PTPRD: variants seen among roughly 807,000 people sequenced by gnomAD.
PTPRD encodes the protein receptor-type tyrosine-protein phosphatase delta.
PTPRD carries 34 observed loss-of-function variants against 214.5 expected under a neutral mutation model. That is an observed-to-expected ratio of 0.16 (90% CI 0.12 to 0.21). The LOEUF (loss-of-function observed/expected upper bound fraction) is 0.21. PTPRD is among the 10% of genes least tolerant of loss of function. PTPRD has a pLI of 1.00. For synonymous variants in PTPRD, 1,128 were observed against 845.7 expected, an observed-to-expected ratio of 1.33 and a Z score of -5.79; for missense variants, 2,545 against 2,398.7, an observed-to-expected ratio of 1.06 and a Z score of -1.27.
At chr9:8,573,061 C>T (rs2091567064) in intron 14 of PTPRD, among the ~76,000 whole-genome samples, 1 of 151,924 alleles carries the variant, frequency 6.6e-6, no homozygotes, top group African/African-American at 2.4e-5. Flanking sequence ...TGGTTTCTAT[C>T]AAATTGAATC....
intron 11 of PTPRD, among the ~76,000 whole-genome samples, chr9:8,943,698 T>A (rs982404182): frequency 3.3e-5 from 5 of 151,018 alleles, no homozygotes; most frequent in Admixed American, 2.6e-4. Context: ...AAACTAGATA[T>A]CCACATGCAG....
At chr9:9,880,078 G>T (rs746477869) in intron 5 of PTPRD, among the ~76,000 whole-genome samples, 1 of 152,150 alleles carries the variant, frequency 6.6e-6, no homozygotes, top group Non-Finnish European at 1.5e-5. Context: ...GTCCAGGGAG[G>T]GAGGTGATTG....
chr9:9,243,633 C>T (rs190317454), intron 9 of PTPRD, among the ~76,000 whole-genome samples: 8 of 152,158 alleles, frequency 5.3e-5, no homozygotes, highest in South Asian at 2.1e-4. Context: ...ATTGATGGAA[C>T]GTATCTGAAA....
chr9:9,477,851 A>T (rs2095177180), intron 8 of PTPRD, among the ~76,000 whole-genome samples: 1 of 152,202 alleles, frequency 6.6e-6, no homozygotes, highest in East Asian at 1.9e-4. Context: ...TTAAGGAAGA[A>T]TAATATTGCT....
At chr9:9,802,063 G>C (rs948674341) in intron 5 of PTPRD, among the ~76,000 whole-genome samples, 3 of 152,004 alleles carry the variant, frequency 2.0e-5, no homozygotes, top group African/African-American at 4.8e-5. Flanking sequence ...AATGTGTTTA[G>C]CACCAATTGC....
intron 11 of PTPRD, among the ~76,000 whole-genome samples, chr9:8,919,391 C>CA (rs5896280): frequency 0.74 from 99,216 of 133,996 alleles, 36,369 homozygotes; most frequent in East Asian, 0.8. Flanking sequence ...GACCCTGTCT[C>CA]AAAAAAAAAA....
intron 2 of PTPRD, among the ~76,000 whole-genome samples, chr9:10,543,690 A>G (rs998065040): frequency 6.6e-5 from 10 of 152,200 alleles, no homozygotes; most frequent in Non-Finnish European, 1.5e-5. Flanking sequence ...AGTAAACTCT[A>G]AGCTTTTGCA....
intron 3 of PTPRD, among the ~76,000 whole-genome samples, chr9:10,146,400 AG>A (rs1426291736): frequency 2.0e-5 from 3 of 152,072 alleles, no homozygotes; most frequent in Non-Finnish European, 4.4e-5. Flanking sequence ...TTTTTCAGGG[AG>A]AGAGACAAGT....
intron 12 of PTPRD, among the ~76,000 whole-genome samples, chr9:8,666,059 A>G (rs2097164142): frequency 6.6e-6 from 1 of 151,606 alleles, no homozygotes; most frequent in African/African-American, 2.4e-5. Flanking sequence ...TTTCTGAATG[A>G]AAATCACTTT....
At chr9:9,008,618 C>A (rs1372890929) in intron 11 of PTPRD, among the ~76,000 whole-genome samples, 1 of 152,096 alleles carries the variant, frequency 6.6e-6, no homozygotes. Flanking sequence ...ACCTATTATG[C>A]TGCTGACCTT....
At chr9:9,735,652 G>T (rs139306211) in intron 6 of PTPRD, among the ~76,000 whole-genome samples, 3 of 152,022 alleles carry the variant, frequency 2.0e-5, no homozygotes, top group Non-Finnish European at 4.4e-5. Context: ...AAAATCATTT[G>T]AGAAGATCAA....
At chr9:9,007,892 T>G (rs529268068) in intron 11 of PTPRD, among the ~76,000 whole-genome samples, 65 of 146,982 alleles carry the variant, frequency 4.4e-4, no homozygotes, top group African/African-American at 1.6e-3. Flanking sequence ...AGTGTTTTTT[T>G]TTTTTGTTTT....
intron 2 of PTPRD, among the ~76,000 whole-genome samples, chr9:10,492,152 G>T (rs1007522124): frequency 5.9e-5 from 9 of 152,090 alleles, no homozygotes; most frequent in African/African-American, 2.2e-4. Context: ...TTGCTACTAG[G>T]AACAGCGCCA....
chr9:9,020,122 T>A (rs190820111), intron 10 of PTPRD, among the ~76,000 whole-genome samples: 1 of 152,306 alleles, frequency 6.6e-6, no homozygotes, highest in Non-Finnish European at 1.5e-5. Context: ...TTATCTTGAT[T>A]GTGCTCAAGA....
At position 10,421,216 on chromosome 9, in the gene PTPRD, C is replaced by T. The variant is rs566674580; in HGVS notation, c.-599-80199G>A. Among the ~76,000 whole-genome samples, 7 of 151,990 alleles carry T rather than the reference C, an allele frequency of 4.6e-5. No individual in the cohort carries two copies. In the East Asian group the frequency reaches 1.4e-3, roughly 30 times the overall value. On this transcript the variant is annotated intron_variant, in intron 2 of 45. Coordinates refer to ENST00000381196, the MANE Select transcript of PTPRD (RefSeq NM_002839.4). ...CACTACTTCAGGGGGTTCTGCACTG[C>T]AGATTACGGGAGGAGTTCCCTAGCT...
chr9:9,549,640 C>G (rs967653633), intron 8 of PTPRD, among the ~76,000 whole-genome samples: 16 of 152,202 alleles, frequency 1.1e-4, no homozygotes, highest in African/African-American at 3.6e-4. Flanking sequence ...ACAAAATTGT[C>G]TCATACACAT....
At chr9:9,520,853 C>A (rs967992883) in intron 8 of PTPRD, among the ~76,000 whole-genome samples, 2 of 152,094 alleles carry the variant, frequency 1.3e-5, no homozygotes, top group Middle Eastern at 3.2e-3. Context: ...CAAATCTCAG[C>A]AGGCAGCAAG....
At chr9:9,228,553 T>C (rs192477505) in intron 9 of PTPRD, among the ~76,000 whole-genome samples, 34 of 152,210 alleles carry the variant, frequency 2.2e-4, no homozygotes, top group Admixed American at 5.9e-4. Context: ...TTTTCTCATA[T>C]GGCAATAAAT....
Position 8,485,810 on chromosome 9 carries a change from CG to C in PTPRD, c.3006del (p.Pro1004HisfsTer26). ...AACTGGACACTGGGACTATATGGCC[CG>C]GGCCCTTTGCTCGTATGAGCACGTA... ...VKVRAHTSKGPGPYSPSVQFR... is the reference protein window; with the variant it reads ...VKVRAHTSKGXGPYSPSVQFR... On this transcript the variant is annotated frameshift_variant, in exon 28 of 46. Coordinates refer to ENST00000381196, the MANE Select transcript of PTPRD (RefSeq NM_002839.4). LOFTEE classifies it high-confidence loss of function. 1 of 1,613,890 alleles carries C rather than the reference CG, an allele frequency of 6.2e-7. No homozygotes were observed. The highest frequency in any genetic ancestry group is 2.2e-5 in the East Asian group (1 of 44,860).
Sources: gnomAD v4.1 joint callset for allele counts (sites outside exome capture counted in the v4.1 genomes callset) on GRCh38, gnomAD v4.1.1 for gene constraint, MANE v1.5 for transcripts, NCBI Gene and HGNC (gene_info 2026-07-23, HGNC 2026-07-21) for gene names.